Variants in TMEM272 observed in about 807,000 individuals in gnomAD.
TMEM272 encodes the protein transmembrane protein 272.
TMEM272 carries 8 observed loss-of-function variants against 3.7 expected under a neutral mutation model. The observed-to-expected ratio is 2.17, with a 90% confidence interval of 1.27 to 3.91. TMEM272 has a LOEUF of 3.91. TMEM272 is among the 30% of genes most tolerant of loss of function. The probability of loss-of-function intolerance (pLI) is 0.00; values close to 1 mark genes in which losing one functional copy is unlikely to be tolerated. For missense variants in TMEM272, 166 were observed against 91.5 expected, an observed-to-expected ratio of 1.81 and a Z score of -3.32; for synonymous variants, 63 against 39.8, an observed-to-expected ratio of 1.58 and a Z score of -2.20.
chr13:51,865,885 C>G, the TMEM272 span: 1 of 1,613,526 alleles, frequency 6.2e-7, no homozygotes, highest in Non-Finnish European at 8.5e-7. Flanking sequence ...AGGAAAGAGC[C>G]CTCCTTGAGG....
the TMEM272 span, among the ~76,000 whole-genome samples, chr13:51,927,740 C>T: frequency 1.3e-5 from 2 of 152,184 alleles, no homozygotes; most frequent in Non-Finnish European, 2.9e-5. Flanking sequence ...ATCCCAGATG[C>T]TCCCTGAGAG....
chr13:51,864,928 G>GT, the TMEM272 span, among the ~76,000 whole-genome samples: 4 of 152,226 alleles, frequency 2.6e-5, no homozygotes, highest in African/African-American at 9.6e-5. Flanking sequence ...TCCCAGGCTC[G>GT]TAACAGAGGA....
At chr13:51,850,030 T>C (rs1021201274), upstream of TMEM272, among the ~76,000 whole-genome samples, 2 of 152,134 alleles carry the variant, frequency 1.3e-5, no homozygotes, top group Non-Finnish European at 2.9e-5. Flanking sequence ...GCTCAGGCAA[T>C]GTATTGAGAC....
chr13:51,918,166 T>C, the TMEM272 span, among the ~76,000 whole-genome samples: 1 of 152,220 alleles, frequency 6.6e-6, no homozygotes, highest in South Asian at 2.1e-4. Flanking sequence ...CTTGAATGTT[T>C]CTCTCGAAGG....
At chr13:51,907,369 C>T in the TMEM272 span, among the ~76,000 whole-genome samples, 7 of 152,164 alleles carry the variant, frequency 4.6e-5, no homozygotes, top group African/African-American at 1.7e-4. Flanking sequence ...CAGTAAACAA[C>T]TTGCCCTTGA....
At chr13:51,897,447 C>A in the TMEM272 span, among the ~76,000 whole-genome samples, 2 of 137,430 alleles carry the variant, frequency 1.5e-5, no homozygotes, top group African/African-American at 5.4e-5. Context: ...CTCCTGGGCT[C>A]AAGTGACCTG....
rs1287342419 is a variant in TMEM272 at position 51,815,006 on chromosome 13, T to C, written c.*1745A>G. The C allele has an allele frequency of 2.0e-5, 3 of 152,690 alleles. No individual in the cohort carries two copies. The highest frequency in any genetic ancestry group is 7.2e-5 in the African/African-American group (3 of 41,428). 9.5% of individuals were successfully genotyped at this position (152,690 alleles called of 1,614,324 possible). A position where few individuals can be genotyped will look rare whatever the true frequency, so the allele number is the denominator to read the frequency against. ...TTGCTGCTCACAGATGTCCAAGCATTGGCTAAGTGACTGGGAATGGCTGAC... is the reference window on the plus strand; with the variant it reads ...TTGCTGCTCACAGATGTCCAAGCATCGGCTAAGTGACTGGGAATGGCTGAC... On this transcript the variant is annotated 3_prime_UTR_variant, in exon 5 of 5. Transcript: ENST00000629372.
chr13:51,851,098 G>A, the TMEM272 span, among the ~76,000 whole-genome samples: 3 of 152,138 alleles, frequency 2.0e-5, no homozygotes, highest in African/African-American at 7.2e-5. Context: ...ACTTTGGGAG[G>A]CCAAGGCAGG....
At chr13:51,835,219 A>C (rs981056020) in intron 2 of TMEM272, among the ~76,000 whole-genome samples, 3 of 92,618 alleles carry the variant, frequency 3.2e-5, no homozygotes, top group East Asian at 3.6e-4. Flanking sequence ...TAAAACTTTT[A>C]TTTTCTTTCT....
the TMEM272 span, among the ~76,000 whole-genome samples, chr13:51,854,689 T>C: frequency 0.053 from 8,116 of 152,256 alleles, 277 homozygotes; most frequent in East Asian, 0.098. Context: ...ATATGTGAAA[T>C]GGAAATGGTA....
chr13:51,880,275 CAAAAAAAAA>C, the TMEM272 span, among the ~76,000 whole-genome samples: 1 of 129,342 alleles, frequency 7.7e-6, no homozygotes. Flanking sequence ...TTCCTTTCAC[CAAAAAAAAA>C]AAAAAAAAAA....
the TMEM272 span, chr13:51,865,595 C>T: frequency 1.3e-4 from 211 of 1,614,070 alleles, no homozygotes; most frequent in Non-Finnish European, 1.6e-4. Context: ...GTGGACTTTC[C>T]GAGGCAAGAT....
chr13:51,860,665 G>A, the TMEM272 span, among the ~76,000 whole-genome samples: 1 of 145,858 alleles, frequency 6.9e-6, no homozygotes, highest in African/African-American at 2.5e-5. Flanking sequence ...AGCATTAAAG[G>A]AAAGAATTAA....
the TMEM272 span, among the ~76,000 whole-genome samples, chr13:51,882,766 TATAAA>T: frequency 1.3e-5 from 2 of 151,188 alleles, no homozygotes; most frequent in African/African-American, 4.9e-5. Flanking sequence ...AAATAAAAAA[TATAAA>T]ATAAAATAAA....
intron 2 of TMEM272, among the ~76,000 whole-genome samples, chr13:51,827,274 A>C (rs1956134244): frequency 6.6e-6 from 1 of 152,216 alleles, no homozygotes; most frequent in Non-Finnish European, 1.5e-5. Context: ...GGGGCTACAC[A>C]GGCTTGGGTC....
the TMEM272 span, chr13:51,908,136 T>A: frequency 1.9e-6 from 1 of 527,778 alleles, no homozygotes; most frequent in Non-Finnish European, 3.6e-6. Context: ...AAAAGTGTAA[T>A]CACTGAAGTA....
chr13:51,867,147 T>C, the TMEM272 span, among the ~76,000 whole-genome samples: 2 of 152,150 alleles, frequency 1.3e-5, no homozygotes, highest in Non-Finnish European at 2.9e-5. Context: ...ACACATCAAC[T>C]TACCTCACCG....
chr13:51,826,138 CAAAAAAAAA>C (rs11295480), intron 3 of TMEM272, among the ~76,000 whole-genome samples: 6 of 123,196 alleles, frequency 4.9e-5, no homozygotes, highest in African/African-American at 1.2e-4. Flanking sequence ...ATTCATTCAG[CAAAAAAAAA>C]AAAAAAAAAA....
chr13:51,876,666 AG>A, the TMEM272 span, among the ~76,000 whole-genome samples: 1 of 152,212 alleles, frequency 6.6e-6, no homozygotes, highest in South Asian at 2.1e-4. Context: ...GTGAGCAAGC[AG>A]GTAATAGAGG....
Sources: allele counts gnomAD v4.1 joint callset (sites outside exome capture counted in the v4.1 genomes callset), GRCh38; gene constraint gnomAD v4.1.1; transcripts MANE v1.5; gene names NCBI Gene and HGNC (gene_info 2026-07-23, HGNC 2026-07-21).